ETS1: variants seen among roughly 807,000 people sequenced by gnomAD.
ETS1 encodes protein C-ets-1.
ETS1 carries 15 observed loss-of-function variants against 58.6 expected under a neutral mutation model. The observed-to-expected ratio is 0.26, with a 90% CI of 0.17 to 0.39. ETS1 has a LOEUF of 0.39. Ranked by LOEUF, ETS1 falls within the 10% of genes least tolerant of loss-of-function variation. ETS1 has a pLI of 1.00. For synonymous variants in ETS1, 214 were observed against 218.2 expected, an observed-to-expected ratio of 0.98 and a Z score of 0.17; for missense variants, 417 against 610.5, an observed-to-expected ratio of 0.68 and a Z score of 3.34.
In ETS1 at chr11:128,480,457, G is replaced by A. The variant is rs889509704; in HGVS notation, c.863-6C>T. 8 of 1,608,966 alleles carry A rather than the reference G, an allele frequency of 5.0e-6. No individual in the cohort carries two copies. The highest frequency in any genetic ancestry group is 6.0e-6 in the Non-Finnish European group (7 of 1,175,622). On this transcript the variant is annotated splice_polypyrimidine_tract_variant and splice_region_variant and intron_variant, in intron 7 of 9. Transcript: ENST00000392668. Reference sequence around the variant, plus strand: ...GTCCTGGCCCCCGAGTTTACCTGGAGGTAAAGGAGGAGGTAGGAAGAGGAC... The same window carrying A: ...GTCCTGGCCCCCGAGTTTACCTGGAAGTAAAGGAGGAGGTAGGAAGAGGAC...
chr11:128,485,820 G>A (rs985665944), intron 6 of ETS1, among the ~76,000 whole-genome samples: 3 of 152,168 alleles, frequency 2.0e-5, no homozygotes, highest in Non-Finnish European at 4.4e-5. Flanking sequence ...CTCTCTGCAT[G>A]ACTTTCAGGT....
In ETS1 at chr11:128,462,273, A is replaced by G. The variant is rs2135407082; in HGVS notation, c.*88T>C. The G allele has an allele frequency of 9.5e-7, 1 of 1,055,900 alleles. No homozygotes were observed. The highest frequency in any genetic ancestry group is 2.6e-5 in the East Asian group (1 of 38,738). The allele number at this position is 1,055,900 out of a possible 1,614,324, so 65.4% of individuals were successfully genotyped here. A position where few individuals can be genotyped will look rare whatever the true frequency, so the allele number is the denominator to read the frequency against. Reference sequence around the variant, plus strand: ...AAAAATGAGTTCTGGAAAATAAAAAATAGAATAACAATTCAAAATTCAGAG... The same window carrying G: ...AAAAATGAGTTCTGGAAAATAAAAAGTAGAATAACAATTCAAAATTCAGAG... On this transcript the variant is annotated 3_prime_UTR_variant, in exon 10 of 10. Coordinates refer to ENST00000392668, the MANE Select transcript of ETS1 (RefSeq NM_001143820.2).
At chr11:128,483,594 C>T (rs1862547417) in intron 7 of ETS1, among the ~76,000 whole-genome samples, 1 of 152,228 alleles carries the variant, frequency 6.6e-6, no homozygotes, top group Non-Finnish European at 1.5e-5. Flanking sequence ...GAAACACTAA[C>T]ACCCTGGGGC....
intron 3 of ETS1, among the ~76,000 whole-genome samples, chr11:128,534,495 T>C (rs1358577859): frequency 1.3e-5 from 2 of 152,180 alleles, no homozygotes; most frequent in East Asian, 1.9e-4. Context: ...ACATATGCCA[T>C]GGGTGGTTTG....
intron 2 of ETS1, among the ~76,000 whole-genome samples, chr11:128,563,164 G>A (rs558669906): frequency 7.1e-4 from 108 of 152,180 alleles, no homozygotes; most frequent in Middle Eastern, 6.8e-3. Context: ...AACTCCATAG[G>A]AGCAAATCTG....
chr11:128,558,707 G>T (rs1203392786), intron 2 of ETS1, among the ~76,000 whole-genome samples: 1 of 130,358 alleles, frequency 7.7e-6, no homozygotes, highest in Non-Finnish European at 1.7e-5. Context: ...GAAAAGAAAA[G>T]AAAATGTTTC....
intron 1 of ETS1, among the ~76,000 whole-genome samples, chr11:128,577,638 G>A (rs139469205): frequency 3.3e-4 from 51 of 152,272 alleles, no homozygotes; most frequent in African/African-American, 1.0e-3. Flanking sequence ...AGACTAAGGC[G>A]ATGCTGCTAA....
chr11:128,494,783 T>G (rs151150230), intron 3 of ETS1, among the ~76,000 whole-genome samples: 9 of 152,342 alleles, frequency 5.9e-5, no homozygotes, highest in Non-Finnish European at 8.8e-5. Context: ...CACGAGTTTA[T>G]GCTCTCACTA....
chr11:128,487,941 G>T (rs1862682844), intron 5 of ETS1, among the ~76,000 whole-genome samples: 2 of 152,186 alleles, frequency 1.3e-5, no homozygotes, highest in East Asian at 3.9e-4. Flanking sequence ...TTGGAAACAG[G>T]GAGACATGAT....
chr11:128,561,987 G>T (rs1864411953), intron 2 of ETS1, among the ~76,000 whole-genome samples: 2 of 152,130 alleles, frequency 1.3e-5, no homozygotes, highest in South Asian at 4.1e-4. Flanking sequence ...AAACAAGGGA[G>T]AAAAAGCACA....
At chr11:128,511,488 C>T (rs1863391534) in intron 3 of ETS1, among the ~76,000 whole-genome samples, 1 of 152,164 alleles carries the variant, frequency 6.6e-6, no homozygotes. Context: ...ATCTGCACAA[C>T]CTTTCCAGAG....
At chr11:128,480,858 T>C (rs913491724) in intron 7 of ETS1, among the ~76,000 whole-genome samples, 11 of 152,090 alleles carry the variant, frequency 7.2e-5, no homozygotes, top group Non-Finnish European at 1.3e-4. Context: ...ATCAGAGCAA[T>C]GTCAGGCTGA....
chr11:128,552,493 G>A (rs529224769), intron 3 of ETS1, among the ~76,000 whole-genome samples: 1 of 152,290 alleles, frequency 6.6e-6, no homozygotes, highest in African/African-American at 2.4e-5. Flanking sequence ...CTGCTTCCCA[G>A]CTCTAAGCAA....
chr11:128,538,317 G>A (rs1038164100), intron 3 of ETS1, among the ~76,000 whole-genome samples: 2 of 152,126 alleles, frequency 1.3e-5, no homozygotes, highest in African/African-American at 4.8e-5. Flanking sequence ...GTAAGGGGGG[G>A]CGTTAACCTT....
At chr11:128,472,007 C>T (rs761286571) in intron 8 of ETS1, among the ~76,000 whole-genome samples, 6 of 152,190 alleles carry the variant, frequency 3.9e-5, no homozygotes, top group African/African-American at 4.8e-5. Context: ...ATTTTGTAAG[C>T]ATTTATCCAG....
intron 3 of ETS1, chr11:128,521,818 C>A (rs1269334352): frequency 1.4e-5 from 13 of 935,406 alleles, no homozygotes; most frequent in Middle Eastern, 3.3e-4. Context: ...AGAAATGCAC[C>A]GCCCAGAAGG....
chr11:128,501,237 C>T (rs867428347), intron 3 of ETS1, among the ~76,000 whole-genome samples: 2 of 152,162 alleles, frequency 1.3e-5, no homozygotes, highest in African/African-American at 4.8e-5. Flanking sequence ...GCATCACAAG[C>T]ATTCATAGGT....
chr11:128,521,968 C>T (rs1255698002), intron 3 of ETS1: 1 of 1,601,954 alleles, frequency 6.2e-7, no homozygotes, highest in Admixed American at 1.7e-5. Flanking sequence ...TGGTGAGAGT[C>T]GGCTTGAGAT....
chr11:128,505,311 T>C (rs1025873280), intron 3 of ETS1: 3 of 152,222 alleles, frequency 2.0e-5, no homozygotes, highest in African/African-American at 7.2e-5. Flanking sequence ...GGCCAGTAAG[T>C]TGAATCTGAT....
Sources: gnomAD v4.1 joint callset for allele counts (sites outside exome capture counted in the v4.1 genomes callset) on GRCh38, gnomAD v4.1.1 for gene constraint, MANE v1.5 for transcripts, NCBI Gene and HGNC (gene_info 2026-07-23, HGNC 2026-07-21) for gene names.